The following TRPM3 variants were observed in gnomAD, a reference collection of about 807,000 sequenced individuals.
TRPM3 encodes long transient receptor potential channel 3.
In TRPM3, 77 loss-of-function variants were observed where a neutral mutation model predicts 181.2. The ratio of observed to expected loss-of-function variants is 0.42; its 90% confidence interval spans 0.35 to 0.51. The LOEUF is 0.51. Among genes scored for constraint, TRPM3 ranks in the 20% least tolerant of loss-of-function variants. TRPM3 has a pLI of 0.01. For synonymous variants in TRPM3, 745 were observed against 796.4 expected (o/e 0.94, Z 1.09); for missense variants, 1,759 against 2,196.7 (o/e 0.80, Z 3.98).
At chr9:70,939,001 C>T (rs1266891478) in intron 1 of TRPM3, among the ~76,000 whole-genome samples, 1 of 150,426 alleles carries the variant, frequency 6.6e-6, no homozygotes, top group African/African-American at 2.4e-5. Flanking sequence ...AAAAAAAAAA[C>T]ATTCATTTCT....
intron 9 of TRPM3, among the ~76,000 whole-genome samples, chr9:70,666,627 G>T (rs2061885635): frequency 6.6e-6 from 1 of 152,110 alleles, no homozygotes; most frequent in African/African-American, 2.4e-5. Context: ...CTAGCTCCTA[G>T]TTCTTTGCAT....
chr9:70,878,026 A>C (rs1376069182), intron 1 of TRPM3, among the ~76,000 whole-genome samples: 1 of 151,956 alleles, frequency 6.6e-6, no homozygotes, highest in Non-Finnish European at 1.5e-5. Context: ...ACTGATGTGC[A>C]CATTAACATT....
intron 1 of TRPM3, among the ~76,000 whole-genome samples, chr9:71,004,035 T>C (rs1042310808): frequency 2.6e-5 from 4 of 152,224 alleles, no homozygotes; most frequent in Non-Finnish European, 5.9e-5. Context: ...ACTCTGGTCA[T>C]GTCCCACAAG....
intron 7 of TRPM3, among the ~76,000 whole-genome samples, chr9:70,771,206 AGAGAAG>A (rs1057323917): frequency 2.0e-5 from 3 of 152,170 alleles, no homozygotes; most frequent in African/African-American, 4.8e-5. Context: ...TGTATGTTCT[AGAGAAG>A]GCACAAATCA....
chr9:71,169,279 G>C lies in TRPM3; in HGVS notation c.183+277374C>G, dbSNP rs527859188. Among the ~76,000 whole-genome samples, 40 of 152,240 alleles carry C rather than the reference G, an allele frequency of 2.6e-4. No individual in the cohort carries two copies. The East Asian group carries it at 7.2e-3, about 27-fold the overall frequency. ...TAAAACACATCTCCAGGTCAAATGTGACCCTCAGGCCTCCAGTCTGCAATA... is the reference window on the plus strand; with the variant it reads ...TAAAACACATCTCCAGGTCAAATGTCACCCTCAGGCCTCCAGTCTGCAATA... On this transcript the variant is annotated intron_variant, in intron 1 of 24. Transcript: ENST00000357533.
intron 6 of TRPM3, among the ~76,000 whole-genome samples, chr9:70,806,311 T>C (rs973017629): frequency 2.0e-5 from 3 of 152,124 alleles, no homozygotes; most frequent in African/African-American, 7.2e-5. Flanking sequence ...CTGTTCCTTA[T>C]TTGGCCATTT....
chr9:70,761,068 T>G, intron 8 of TRPM3: 1 of 205,380 alleles, frequency 4.9e-6, no homozygotes, highest in Non-Finnish European at 9.8e-6. Context: ...CCTAGCAGGG[T>G]CTCTGATCAT....
intron 11 of TRPM3, among the ~76,000 whole-genome samples, chr9:70,637,595 G>T (rs2057415662): frequency 6.6e-6 from 1 of 151,958 alleles, no homozygotes; most frequent in Non-Finnish European, 1.5e-5. Context: ...GCTGAACCAA[G>T]AAAAGTCTCT....
chr9:71,371,748 A>G (rs1588706396), intron 1 of TRPM3, among the ~76,000 whole-genome samples: 1 of 152,334 alleles, frequency 6.6e-6, no homozygotes, highest in African/African-American at 2.4e-5. Flanking sequence ...CTGTGGGTAG[A>G]ATGCTATCTA....
At chr9:71,297,153 G>A (rs577707937) in intron 1 of TRPM3, among the ~76,000 whole-genome samples, 39 of 151,932 alleles carry the variant, frequency 2.6e-4, no homozygotes, top group African/African-American at 7.7e-4. Flanking sequence ...CACCACACGC[G>A]GTTAATTATT....
intron 1 of TRPM3, among the ~76,000 whole-genome samples, chr9:71,223,071 T>G (rs1199762342): frequency 6.6e-6 from 1 of 152,128 alleles, no homozygotes; most frequent in African/African-American, 2.4e-5. Flanking sequence ...TGTGACCTAC[T>G]GAGACATCAG....
In TRPM3 at chr9:71,225,886, A is replaced by C. The variant is rs150050839; in HGVS notation, c.183+220767T>G. On this transcript the variant is annotated intron_variant, in intron 1 of 24. Transcript: ENST00000357533. ...CAGCCAGGCTGCTCTCAAACTCCTT[A>C]CCTCAGATTATCCACCCGCTTCAGC... Among the ~76,000 whole-genome samples, 42 of 151,700 alleles carry C rather than the reference A, an allele frequency of 2.8e-4. No individual in the cohort carries two copies. In the East Asian group the frequency reaches 6.4e-3, roughly 23 times the overall value.
At chr9:70,551,531 G>A (rs2131843326) in intron 24 of TRPM3, among the ~76,000 whole-genome samples, 1 of 152,274 alleles carries the variant, frequency 6.6e-6, no homozygotes, top group South Asian at 2.1e-4. Context: ...TTGAGGGGGT[G>A]GGCACTGGAA....
Position 70,846,454 on chromosome 9 carries a change from C to T in TRPM3, c.600G>A (p.Lys200=), listed in dbSNP as rs947163187. The T allele has an allele frequency of 6.2e-7, 1 of 1,614,022 alleles. No homozygotes were observed. Among genetic ancestry groups the T allele is most frequent in the African/African-American group, 1.3e-5 (1 of 74,914 alleles). Reference sequence around the variant, plus strand: ...TGATGAGCCCTTTCCCAAAGACTTGCTTGAGTTTTGGCTGGAGTTCAAAGT... The same window carrying T: ...TGATGAGCCCTTTCCCAAAGACTTGTTTGAGTTTTGGCTGGAGTTCAAAGT... The part of the protein sequence containing the change: ...LQNFELQPKL[K]QVFGKGLIKA... The change falls in exon 4 of 26, where the codon AAG becomes AAA. Residue 200 remains lysine (K), a synonymous_variant. Coordinates refer to ENST00000677713, the MANE Select transcript of TRPM3 (RefSeq NM_001366145.2).
At chr9:70,885,566 C>G (rs368400017) in intron 1 of TRPM3, among the ~76,000 whole-genome samples, 1 of 152,160 alleles carries the variant, frequency 6.6e-6, no homozygotes, top group African/African-American at 2.4e-5. Flanking sequence ...TTTTACCCAG[C>G]TAGGTCATTC....
In TRPM3 at chr9:70,862,987, C is replaced by T; in HGVS notation, c.383G>A (p.Ser128Asn). 6.2e-7 allele frequency: 1 copy of T among 1,613,698 alleles called. No homozygotes were observed. The highest frequency in any genetic ancestry group is 1.1e-5 in the South Asian group (1 of 91,074). The change falls in exon 3 of 26, where the codon AGC (serine) becomes AAC (asparagine). Residue 128 changes from serine to asparagine, a missense_variant. Physicochemically the swap from Ser to Asn is conservative, Grantham distance 46 (BLOSUM62 1). Around this residue, in one of 8 missense-constraint regions of TRPM3, gnomAD observed 737 missense variants for 957.4 expected, o/e 0.77. Coordinates refer to ENST00000677713, the MANE Select transcript of TRPM3 (RefSeq NM_001366145.2). ...CGTAGGGCTGAGTTGAGTGTGTTTG[C>T]TGATGGACCACTTTTCAGACTGGAT... ...NDIQSEKWSI[S>N]KHTQLSPTDA... is the part of the protein sequence containing the mutation.
intron 1 of TRPM3, among the ~76,000 whole-genome samples, chr9:71,077,486 T>C (rs1259916743): frequency 6.6e-6 from 1 of 152,244 alleles, no homozygotes; most frequent in African/African-American, 2.4e-5. Flanking sequence ...GAATTCATTT[T>C]TCTTTCCACT....
At chr9:71,201,208 C>T (rs1352264521) in intron 1 of TRPM3, among the ~76,000 whole-genome samples, 2 of 152,082 alleles carry the variant, frequency 1.3e-5, no homozygotes, top group Admixed American at 6.6e-5. Context: ...GGTCCCCACT[C>T]TCTTCTGGCT....
Position 70,537,254 on chromosome 9 carries a change from G to T in TRPM3, c.3859C>A (p.Arg1287=). 1.3e-6 allele frequency: 2 copies of T among 1,590,722 alleles called. No homozygotes were observed. Among genetic ancestry groups the T allele is most frequent in the Non-Finnish European group, 1.7e-6 (2 of 1,163,522 alleles). ...TALERLTGLE[R]AESNKIRSRT... ...GAGCGGATTTTGTTGGACTCGGCCC[G>T]CTCCAGACCTGTCAGGCGCTCCAGG... Residue 1287 remains arginine (R), a synonymous_variant, in exon 26 of 26, where the codon CGG becomes AGG. Coordinates refer to ENST00000677713, the MANE Select transcript of TRPM3 (RefSeq NM_001366145.2).
Sources: gnomAD v4.1 joint callset for allele counts (sites outside exome capture counted in the v4.1 genomes callset) on GRCh38, gnomAD v4.1.1 for gene constraint, gnomAD v4.1.1 regional missense constraint, MANE v1.5 for transcripts, NCBI Gene and HGNC (gene_info 2026-07-23, HGNC 2026-07-21) for gene names.